The following NAPEPLD variants were observed in gnomAD, a reference collection of about 807,000 sequenced individuals.
The protein encoded by NAPEPLD is N-acyl phosphatidylethanolamine phospholipase D, also known as N-acyl-phosphatidylethanolamine-hydrolyzing phospholipase D.
NAPEPLD carries 23 observed loss-of-function variants against 38.1 expected under a neutral mutation model. The observed-to-expected ratio is 0.60, with a 90% CI of 0.43 to 0.86. The LOEUF (loss-of-function observed/expected upper bound fraction) is 0.86, where lower values mean the gene tolerates loss of function less well. Among genes scored for constraint, NAPEPLD ranks in the 40% least tolerant of loss-of-function variants. The probability of loss-of-function intolerance (pLI) is 0.00; values close to 1 mark genes in which losing one functional copy is unlikely to be tolerated. For missense variants in NAPEPLD, 411 were observed against 476.8 expected, an observed-to-expected ratio of 0.86 and a Z score of 1.28; for synonymous variants, 147 against 162.0, an observed-to-expected ratio of 0.91 and a Z score of 0.71.
At chr7:103,141,830 G>C (rs1254354317) in intron 1 of NAPEPLD, 1 of 945,078 alleles carries the variant, frequency 1.1e-6, no homozygotes, top group Non-Finnish European at 1.8e-6. Flanking sequence ...CTGCTGACGG[G>C]AGTTGGCATT....
chr7:103,132,000 G>A (rs1470827953), intron 1 of NAPEPLD, among the ~76,000 whole-genome samples: 3 of 152,208 alleles, frequency 2.0e-5, no homozygotes, highest in Non-Finnish European at 4.4e-5. Flanking sequence ...TGCAGTCACA[G>A]CAACTTGGGA....
chr7:103,132,385 A>T (rs1426267661), intron 1 of NAPEPLD, among the ~76,000 whole-genome samples: 1 of 152,174 alleles, frequency 6.6e-6, no homozygotes, highest in African/African-American at 2.4e-5. Context: ...ATGAATCAGT[A>T]AGACTTGAGA....
chr7:103,108,252 C>G (rs181590867), intron 4 of NAPEPLD, among the ~76,000 whole-genome samples: 1 of 150,694 alleles, frequency 6.6e-6, no homozygotes, highest in Non-Finnish European at 1.5e-5. Context: ...AAGCAGTTTT[C>G]CAGCCTCAGC....
upstream of NAPEPLD, chr7:103,149,426 T>A: frequency 8.1e-7 from 1 of 1,240,102 alleles, no homozygotes; most frequent in Non-Finnish European, 1.0e-6. Context: ...CCGCGCTGGC[T>A]CCGCCGAGGA....
At chr7:103,120,336 A>G in intron 2 of NAPEPLD, 113 bp from the exon 3 acceptor site, 2 of 1,099,924 alleles carry the variant, frequency 1.8e-6, no homozygotes, top group Non-Finnish European at 2.5e-6. Context: ...TAAGAGAACT[A>G]AAGTCATTCA....
chr7:103,120,701 C>CTTTTTTTT (rs869141133), intron 2 of NAPEPLD, among the ~76,000 whole-genome samples: 1,517 of 82,516 alleles, frequency 0.018, 167 homozygotes, highest in East Asian at 0.039. Flanking sequence ...TGATATTTTT[C>CTTTTTTTT]TTTTTTTTTT....
chr7:103,144,435 T>G (rs2129537242), intron 1 of NAPEPLD, among the ~76,000 whole-genome samples: 1 of 152,300 alleles, frequency 6.6e-6, no homozygotes, highest in South Asian at 2.1e-4. Context: ...TGCTATAACT[T>G]TCATTACTCA....
At chr7:103,141,495 TG>T in intron 1 of NAPEPLD, 1 of 1,414,644 alleles carries the variant, frequency 7.1e-7, no homozygotes, top group Non-Finnish European at 1.0e-6. Flanking sequence ...TTGCGGGCCT[TG>T]TCTGCCTTCA....
At chr7:103,106,467 C>T (rs1044298696) in intron 4 of NAPEPLD, among the ~76,000 whole-genome samples, 1 of 152,114 alleles carries the variant, frequency 6.6e-6, no homozygotes, top group African/African-American at 2.4e-5. Flanking sequence ...GCGGGGCCCA[C>T]CCCCACAAAG....
chr7:103,143,124 G>A lies in NAPEPLD; in HGVS notation c.-17+5687C>T, dbSNP rs1329074000. ...ACGCAAAAATTAGCCAGGTGTGGCG[G>A]GCTGAGATAGGAGGATTGCTTGAGC... On this transcript the variant is annotated intron_variant, in intron 1 of 4. Transcript: ENST00000465647. Among the ~76,000 whole-genome samples the A allele has an allele frequency of 2.0e-5, 3 of 152,060 alleles. No individual in the cohort carries two copies. In the East Asian group the frequency reaches 5.8e-4, roughly 29 times the overall value.
At chr7:103,108,933 T>C (rs1016585863) in intron 4 of NAPEPLD, among the ~76,000 whole-genome samples, 8 of 151,574 alleles carry the variant, frequency 5.3e-5, no homozygotes, top group Non-Finnish European at 1.0e-4. Context: ...AAAGCAGGGG[T>C]TGTAATCCTA....
chr7:103,139,362 T>C lies in NAPEPLD; in HGVS notation c.-17+9449A>G, dbSNP rs1810735143. Among the ~76,000 whole-genome samples, 3 of 152,330 alleles carry C rather than the reference T, an allele frequency of 2.0e-5. No homozygotes were observed. In the South Asian group the frequency reaches 6.2e-4, roughly 32 times the overall value. ...AAAATCATAAGAAACCATATAGATT[T>C]TGGCTCAGTATCACATTTACAGAAG... On this transcript the variant is annotated intron_variant, in intron 1 of 4. Coordinates refer to ENST00000465647, the MANE Select transcript of NAPEPLD (RefSeq NM_001122838.3).
At chr7:103,108,989 CAAAG>C (rs147117948) in intron 4 of NAPEPLD, among the ~76,000 whole-genome samples, 2,874 of 152,138 alleles carry the variant, frequency 0.019, 93 homozygotes, top group African/African-American at 0.064. Context: ...CAAAAAGAGA[CAAAG>C]AAGGGCATTA....
At chr7:103,119,139 G>A (rs952840722) in intron 3 of NAPEPLD, among the ~76,000 whole-genome samples, 20 of 152,194 alleles carry the variant, frequency 1.3e-4, no homozygotes, top group Non-Finnish European at 2.6e-4. Context: ...TGAATGGTAT[G>A]TGAACTTCTG....
intron 1 of NAPEPLD, among the ~76,000 whole-genome samples, chr7:103,132,780 G>A (rs1195794656): frequency 6.6e-6 from 1 of 152,066 alleles, no homozygotes; most frequent in Middle Eastern, 3.4e-3. Flanking sequence ...GCGAGACTCC[G>A]TCTCAAAGAA....
At chr7:103,147,508 TA>T (rs1812803050) in intron 1 of NAPEPLD, among the ~76,000 whole-genome samples, 1 of 152,132 alleles carries the variant, frequency 6.6e-6, no homozygotes, top group Non-Finnish European at 1.5e-5. Context: ...ACAACAAAAT[TA>T]AAGGCAAATA....
intron 2 of NAPEPLD, among the ~76,000 whole-genome samples, chr7:103,122,090 A>G (rs1289849998): frequency 6.6e-6 from 1 of 151,926 alleles, no homozygotes; most frequent in Non-Finnish European, 1.5e-5. Flanking sequence ...CTCTAAGACA[A>G]TGAGGAAGCA....
intron 4 of NAPEPLD, among the ~76,000 whole-genome samples, chr7:103,108,527 G>C (rs1803875713): frequency 6.6e-6 from 1 of 152,138 alleles, no homozygotes; most frequent in Admixed American, 6.5e-5. Context: ...ATCCTTTACA[G>C]ACAAGCAAAT....
At position 103,103,346 on chromosome 7, in the gene NAPEPLD, T is replaced by A. The variant is rs1245941652; in HGVS notation, c.*83A>T. 1.4e-6 allele frequency: 2 copies of A among 1,397,488 alleles called. No individual in the cohort carries two copies. The highest frequency in any genetic ancestry group is 3.0e-5 in the South Asian group (2 of 67,176). 86.6% of individuals were successfully genotyped at this position (1,397,488 alleles called of 1,614,324 possible). On this transcript the variant is annotated 3_prime_UTR_variant, in exon 5 of 5. Coordinates refer to ENST00000465647, the MANE Select transcript of NAPEPLD (RefSeq NM_001122838.3). Reference sequence around the variant, plus strand: ...GTTTCCAAATGTAAAATAATCACAATATTCATGAATTTCTAAGTCTTTTCA... The same window carrying A: ...GTTTCCAAATGTAAAATAATCACAAAATTCATGAATTTCTAAGTCTTTTCA...
Sources: allele counts gnomAD v4.1 joint callset (sites outside exome capture counted in the v4.1 genomes callset), GRCh38; gene constraint gnomAD v4.1.1; transcripts MANE v1.5; gene names NCBI Gene and HGNC (gene_info 2026-07-23, HGNC 2026-07-21).